RALYL: variants seen among roughly 807,000 people sequenced by gnomAD.
RALYL encodes RALY RNA binding protein like, also known as RNA-binding Raly-like protein.
RALYL carries 29 observed loss-of-function variants against 35.1 expected under a neutral mutation model. The observed-to-expected ratio is 0.83, with a 90% CI of 0.61 to 1.13. The LOEUF is 1.13. RALYL is among the 50% of genes most tolerant of loss of function. RALYL has a pLI of 0.00. For synonymous variants in RALYL, 120 were observed against 127.6 expected (o/e 0.94, Z 0.40); for missense variants, 359 against 360.4 (o/e 1.00, Z 0.03).
At chr8:84,888,027 A>C (rs1294760121) in intron 8 of RALYL, among the ~76,000 whole-genome samples, 2 of 152,246 alleles carry the variant, frequency 1.3e-5, no homozygotes, top group Non-Finnish European at 2.9e-5. Context: ...TTTAAAGTCC[A>C]AAGTGAAAGA....
intron 1 of RALYL, among the ~76,000 whole-genome samples, chr8:84,380,996 G>T (rs1346234369): frequency 6.6e-6 from 1 of 151,794 alleles, no homozygotes; most frequent in Non-Finnish European, 1.5e-5. Context: ...AGTGCACCAA[G>T]AGTCAAGATG....
chr8:84,379,971 G>C (rs1857636965), intron 1 of RALYL, among the ~76,000 whole-genome samples: 1 of 151,532 alleles, frequency 6.6e-6, no homozygotes, highest in Non-Finnish European at 1.5e-5. Context: ...TGACTAACCT[G>C]ATTTCACAGA....
At chr8:84,612,922 TA>T (rs1180027388) in intron 2 of RALYL, among the ~76,000 whole-genome samples, 1 of 151,730 alleles carries the variant, frequency 6.6e-6, no homozygotes, top group African/African-American at 2.4e-5. Context: ...CATTTTCCAG[TA>T]AATACCACTT....
rs547343993 is a variant in RALYL, at chr8:84,474,595, A to C, written c.-23-54704A>C. Among the ~76,000 whole-genome samples the C allele has an allele frequency of 9.9e-5, 15 of 152,206 alleles. No individual in the cohort carries two copies. In the South Asian group the frequency reaches 3.1e-3, roughly 32 times the overall value. On this transcript the variant is annotated intron_variant, in intron 1 of 8. Transcript: ENST00000521268. ...AACTTCAAGCTCTGATTATTACCTA[A>C]GAGATTTCTTTGCAATTGTAGTGTG...
rs185610741 is a variant in RALYL, at chr8:84,189,559, G to A, written c.-24+5135G>A. ...GCAATTCCATTTGTACTTCCCTTCC[G>A]TGATTAGATAATAGTATTATTTTAT... On this transcript the variant is annotated intron_variant, in intron 1 of 8. Coordinates refer to ENST00000521268, the MANE Select transcript of RALYL (RefSeq NM_173848.7). Among the ~76,000 whole-genome samples the A allele has an allele frequency of 7.9e-5, 12 of 152,076 alleles. No individual in the cohort carries two copies. The South Asian group carries it at 8.3e-4, about 11-fold the overall frequency.
At chr8:84,494,844 C>T (rs189450249) in intron 1 of RALYL, among the ~76,000 whole-genome samples, 37 of 152,152 alleles carry the variant, frequency 2.4e-4, no homozygotes, top group African/African-American at 8.7e-4. Flanking sequence ...GGTCTGCAGA[C>T]AGAGACAATT....
intron 3 of RALYL, among the ~76,000 whole-genome samples, chr8:84,789,832 AGAGT>A (rs1332492933): frequency 6.6e-6 from 1 of 152,234 alleles, no homozygotes; most frequent in Non-Finnish European, 1.5e-5. Flanking sequence ...CCAGAGCCAC[AGAGT>A]GAGACCCTGT....
At position 84,535,305 on chromosome 8, in the gene RALYL, C is replaced by T. The variant is rs149672441; in HGVS notation, c.256+5728C>T. ...TATTTCTCTTTCCAGAAATTTATTC[C>T]ATTTCAGCAGAGTGATCATCAACTC... On this transcript the variant is annotated intron_variant, in intron 2 of 8. Coordinates refer to ENST00000521268, the MANE Select transcript of RALYL (RefSeq NM_173848.7). Among the ~76,000 whole-genome samples the T allele has an allele frequency of 1.2e-4, 19 of 152,264 alleles. 1 individual carries two copies. In the East Asian group the frequency reaches 3.5e-3, roughly 28 times the overall value.
At chr8:84,876,911 A>G (rs1188320163) in intron 7 of RALYL, among the ~76,000 whole-genome samples, 1 of 152,230 alleles carries the variant, frequency 6.6e-6, no homozygotes, top group Non-Finnish European at 1.5e-5. Context: ...AAATCTCAAA[A>G]TATGAGCTCT....
At chr8:84,678,401 T>C (rs1488766047) in intron 2 of RALYL, among the ~76,000 whole-genome samples, 1 of 151,948 alleles carries the variant, frequency 6.6e-6, no homozygotes, top group African/African-American at 2.4e-5. Flanking sequence ...GTAGCTGAGA[T>C]TTTAGGTATG....
chr8:84,185,282 T>C (rs1206294260), intron 1 of RALYL: 1 of 511,944 alleles, frequency 2.0e-6, no homozygotes, highest in Non-Finnish European at 3.5e-6. Flanking sequence ...GGGCAGAGTT[T>C]TCCCTCTTTT....
At chr8:84,669,863 T>A (rs1832871872) in intron 2 of RALYL, among the ~76,000 whole-genome samples, 1 of 152,180 alleles carries the variant, frequency 6.6e-6, no homozygotes, top group East Asian at 1.9e-4. Context: ...ATAACTTATT[T>A]TCTGTCAAAC....
chr8:84,500,930 A>T (rs1587814878), intron 1 of RALYL, among the ~76,000 whole-genome samples: 1 of 152,156 alleles, frequency 6.6e-6, no homozygotes, highest in African/African-American at 2.4e-5. Flanking sequence ...CATATATTAT[A>T]ATTATTTGGA....
chr8:84,852,950 G>A (rs1224868383), intron 5 of RALYL, among the ~76,000 whole-genome samples: 5 of 152,080 alleles, frequency 3.3e-5, no homozygotes, highest in Non-Finnish European at 7.4e-5. Context: ...CTACTACAAG[G>A]GTTTGTGATA....
chr8:84,379,240 G>C (rs1412708746), intron 1 of RALYL, among the ~76,000 whole-genome samples: 2 of 151,888 alleles, frequency 1.3e-5, no homozygotes, highest in Non-Finnish European at 2.9e-5. Flanking sequence ...CAATGGATTG[G>C]TTCATCTTAA....
At chr8:84,578,576 T>C (rs73294048) in intron 2 of RALYL, among the ~76,000 whole-genome samples, 9,047 of 152,236 alleles carry the variant, frequency 0.059, 628 homozygotes, top group African/African-American at 0.17. Flanking sequence ...TCAGGAGACC[T>C]GAAGTGGGTA....
chr8:84,738,881 T>G (rs1386594412), intron 2 of RALYL, among the ~76,000 whole-genome samples: 1 of 152,026 alleles, frequency 6.6e-6, no homozygotes, highest in Non-Finnish European at 1.5e-5. Context: ...TTAATATCAA[T>G]TATTTTATCA....
chr8:84,207,965 G>A (rs1280233293), intron 1 of RALYL, among the ~76,000 whole-genome samples: 3 of 152,030 alleles, frequency 2.0e-5, no homozygotes, highest in South Asian at 2.1e-4. Context: ...ATTGCAGTTC[G>A]CTCTTTGAAG....
intron 2 of RALYL, among the ~76,000 whole-genome samples, chr8:84,621,424 G>A (rs567855480): frequency 1.1e-4 from 16 of 152,210 alleles, no homozygotes; most frequent in Admixed American, 2.0e-4. Flanking sequence ...TTGCACTTCC[G>A]GAGTGAGGCA....
Sources: allele counts gnomAD v4.1 joint callset (sites outside exome capture counted in the v4.1 genomes callset), GRCh38; gene constraint gnomAD v4.1.1; transcripts MANE v1.5; gene names NCBI Gene and HGNC (gene_info 2026-07-23, HGNC 2026-07-21).